The following PGCKA1 variants were observed in gnomAD, a reference collection of about 807,000 sequenced individuals.
The protein encoded by PGCKA1 is PDCD10 and GCKIII kinases-associated protein 1.
At chr4:37,540,233 G>T in the PGCKA1 span, among the ~76,000 whole-genome samples, 2 of 152,156 alleles carry the variant, frequency 1.3e-5, no homozygotes, top group Non-Finnish European at 2.9e-5. Flanking sequence ...ATGTTTTAAT[G>T]TAGAGTGTAT....
chr4:37,482,680 G>A, the PGCKA1 span, among the ~76,000 whole-genome samples: 1 of 152,094 alleles, frequency 6.6e-6, no homozygotes, highest in African/African-American at 2.4e-5. Context: ...GACAATGTCT[G>A]CAGGCCATGT....
At chr4:37,483,752 A>G in the PGCKA1 span, among the ~76,000 whole-genome samples, 2 of 152,158 alleles carry the variant, frequency 1.3e-5, no homozygotes, top group African/African-American at 4.8e-5. Flanking sequence ...GCAGAAGAGC[A>G]CCTAAGTCCA....
the PGCKA1 span, among the ~76,000 whole-genome samples, chr4:37,549,742 G>A: frequency 1.3e-5 from 2 of 152,050 alleles, no homozygotes; most frequent in South Asian, 4.2e-4. Flanking sequence ...GTTTATTCTA[G>A]TAGGCCCAAC....
At chr4:37,549,166 C>T in the PGCKA1 span, among the ~76,000 whole-genome samples, 17 of 152,326 alleles carry the variant, frequency 1.1e-4, no homozygotes, top group African/African-American at 3.4e-4. Context: ...TGAAGTGATG[C>T]GATGAGCTTA....
the PGCKA1 span, among the ~76,000 whole-genome samples, chr4:37,551,209 T>A: frequency 6.6e-6 from 1 of 152,162 alleles, no homozygotes; most frequent in Non-Finnish European, 1.5e-5. Context: ...GCTGTGTAAT[T>A]GACACCATTA....
the PGCKA1 span, among the ~76,000 whole-genome samples, chr4:37,565,360 A>G: frequency 2.0e-5 from 3 of 152,070 alleles, no homozygotes; most frequent in Non-Finnish European, 4.4e-5. Context: ...ATGGCCATGT[A>G]TCCTCATGTA....
the PGCKA1 span, among the ~76,000 whole-genome samples, chr4:37,582,513 C>T: frequency 0.12 from 17,751 of 152,240 alleles, 2,809 homozygotes; most frequent in African/African-American, 0.35. Context: ...AGTGCATCGG[C>T]TGTCATGTCT....
At chr4:37,470,196 ATTTG>A in the PGCKA1 span, among the ~76,000 whole-genome samples, 1 of 152,184 alleles carries the variant, frequency 6.6e-6, no homozygotes, top group African/African-American at 2.4e-5. Context: ...CTTTCTAGCC[ATTTG>A]TTTTTTGATT....
chr4:37,468,285 C>G, the PGCKA1 span, among the ~76,000 whole-genome samples: 1 of 152,182 alleles, frequency 6.6e-6, no homozygotes, highest in African/African-American at 2.4e-5. Flanking sequence ...GGGCGTGGAG[C>G]AGTGTTTCAC....
chr4:37,551,133 C>G, the PGCKA1 span, among the ~76,000 whole-genome samples: 1 of 152,086 alleles, frequency 6.6e-6, no homozygotes, highest in East Asian at 1.9e-4. Flanking sequence ...TGGACTGCCC[C>G]CAGTGGGTTA....
chr4:37,588,959 T>G, the PGCKA1 span: 1 of 1,270,494 alleles, frequency 7.9e-7, no homozygotes. Context: ...TGGGGTCACT[T>G]TTAAAGACCA....
the PGCKA1 span, among the ~76,000 whole-genome samples, chr4:37,483,391 A>G: frequency 8.5e-5 from 13 of 152,150 alleles, no homozygotes; most frequent in East Asian, 1.3e-3. Flanking sequence ...CATTTAGCCC[A>G]TCACCACCCT....
At chr4:37,562,208 T>G in the PGCKA1 span, among the ~76,000 whole-genome samples, 1 of 152,212 alleles carries the variant, frequency 6.6e-6, no homozygotes, top group Non-Finnish European at 1.5e-5. Flanking sequence ...AGTATTGATT[T>G]GGGGGTTACA....
the PGCKA1 span, among the ~76,000 whole-genome samples, chr4:37,556,277 G>GT: frequency 3.4e-5 from 5 of 148,158 alleles, no homozygotes; most frequent in South Asian, 2.1e-4. Flanking sequence ...TTGTTTTTTT[G>GT]TTTTTTTGAG....
chr4:37,513,647 T>C, the PGCKA1 span, among the ~76,000 whole-genome samples: 2 of 152,190 alleles, frequency 1.3e-5, no homozygotes, highest in Non-Finnish European at 2.9e-5. Context: ...CATATGAACT[T>C]TGAAGGGACA....
the PGCKA1 span, among the ~76,000 whole-genome samples, chr4:37,580,087 A>C: frequency 6.6e-6 from 1 of 152,038 alleles, no homozygotes; most frequent in Non-Finnish European, 1.5e-5. Flanking sequence ...TCAGTATGTC[A>C]CTTGTATTTT....
chr4:37,486,312 C>A, the PGCKA1 span, among the ~76,000 whole-genome samples: 6 of 152,236 alleles, frequency 3.9e-5, no homozygotes, highest in South Asian at 1.2e-3. Context: ...GACTAGGCAG[C>A]CTGGTAATTA....
At chr4:37,476,118 T>C in the PGCKA1 span, among the ~76,000 whole-genome samples, 2 of 152,212 alleles carry the variant, frequency 1.3e-5, no homozygotes, top group Admixed American at 1.3e-4. Flanking sequence ...TAAAATAATG[T>C]ATCTAGCTGT....
At chr4:37,513,229 C>T in the PGCKA1 span, among the ~76,000 whole-genome samples, 2 of 152,118 alleles carry the variant, frequency 1.3e-5, no homozygotes, top group African/African-American at 4.8e-5. Context: ...AAAATTAAGT[C>T]TAATTCCAAA....
Sources: gnomAD v4.1 joint callset for allele counts (sites outside exome capture counted in the v4.1 genomes callset) on GRCh38, gnomAD v4.1.1 for gene constraint, MANE v1.5 for transcripts, NCBI Gene and HGNC (gene_info 2026-07-23, HGNC 2026-07-21) for gene names.